The following TANC1 variants were observed in gnomAD, a reference collection of about 807,000 sequenced individuals.
TANC1 encodes the protein protein TANC1.
TANC1 carries 77 observed loss-of-function variants against 149.7 expected under a neutral mutation model. That is an observed-to-expected ratio of 0.51 (90% CI 0.43 to 0.62). TANC1 has a LOEUF of 0.62. Ranked by LOEUF, TANC1 falls within the 20% of genes least tolerant of loss-of-function variation. The pLI is 0.00. For synonymous variants in TANC1, 854 were observed against 925.0 expected (o/e 0.92, Z 1.39); for missense variants, 1,985 against 2,321.8 (o/e 0.85, Z 2.98).
At chr2:159,170,953 C>A in intron 10 of TANC1, 148 bp downstream of exon 10, 1 of 842,730 alleles carries the variant, frequency 1.2e-6, no homozygotes, top group Non-Finnish European at 1.8e-6. Context: ...TGAACTGTTT[C>A]AATATGTCCC....
rs200628030 is a variant in TANC1, at chr2:159,229,914, G to T, written c.4488G>T (p.Gln1496His). The change falls in exon 27 of 27, where the codon CAG becomes CAT. Residue 1496 changes from glutamine to histidine, a missense_variant. Physicochemically the swap from Gln to His is conservative, Grantham distance 24. This residue lies in a region of TANC1 where 920 missense variants were observed against 994.7 expected (regional missense o/e 0.92). Coordinates refer to ENST00000263635, the MANE Select transcript of TANC1 (RefSeq NM_033394.3). ...TCCGAAACCTTCAAGAAGGGTTACA[G>T]TCCAAAGGAAGGCCGGTATCGCCAC... ...SYIRNLQEGLQSKGRPVSPQS... is the reference protein window; with the variant it reads ...SYIRNLQEGLHSKGRPVSPQS... 40 of 1,614,094 alleles carry T rather than the reference G, an allele frequency of 2.5e-5. No homozygotes were observed. The East Asian group carries it at 8.9e-4, about 36-fold the overall frequency.
At chr2:159,146,954 C>T (rs2052190062) in intron 5 of TANC1, among the ~76,000 whole-genome samples, 1 of 151,970 alleles carries the variant, frequency 6.6e-6, no homozygotes, top group Admixed American at 6.5e-5. Flanking sequence ...AAATGAAACA[C>T]TTGAGATCCT....
chr2:159,218,863 GC>G (rs1260405681), intron 20 of TANC1, among the ~76,000 whole-genome samples: 1 of 152,168 alleles, frequency 6.6e-6, no homozygotes, highest in Non-Finnish European at 1.5e-5. Context: ...TAGTTTCAGT[GC>G]CCGTGGGGGA....
intron 4 of TANC1, among the ~76,000 whole-genome samples, chr2:159,111,887 G>A (rs1029245544): frequency 1.3e-5 from 2 of 152,194 alleles, no homozygotes; most frequent in African/African-American, 2.4e-5. Flanking sequence ...GATATTGAAG[G>A]TCTTTGGTAA....
At chr2:159,091,227 T>C (rs35952094) in intron 3 of TANC1, among the ~76,000 whole-genome samples, 36,885 of 152,100 alleles carry the variant, frequency 0.24, 5,890 homozygotes, top group Non-Finnish European at 0.37. Context: ...AGCTCTGATA[T>C]ATGCCAGAGT....
chr2:158,977,735 G>A (rs2033859999), intron 1 of TANC1, among the ~76,000 whole-genome samples: 1 of 151,952 alleles, frequency 6.6e-6, no homozygotes, highest in Non-Finnish European at 1.5e-5. Flanking sequence ...CCTGATATAA[G>A]GACAGATAAG....
intron 16 of TANC1, among the ~76,000 whole-genome samples, chr2:159,188,595 G>T (rs549703335): frequency 6.6e-6 from 1 of 152,384 alleles, no homozygotes; most frequent in East Asian, 1.9e-4. Context: ...ACAGGAGCTA[G>T]GTGTGGCCTT....
At chr2:159,021,509 A>T (rs1371266122) in intron 2 of TANC1, among the ~76,000 whole-genome samples, 1 of 152,148 alleles carries the variant, frequency 6.6e-6, no homozygotes, top group Non-Finnish European at 1.5e-5. Flanking sequence ...AGGCAGGAGT[A>T]GCAGTAGAGC....
intron 4 of TANC1, among the ~76,000 whole-genome samples, chr2:159,120,495 G>T (rs2048738218): frequency 6.6e-6 from 1 of 152,136 alleles, no homozygotes. Flanking sequence ...CAAATGATAT[G>T]AATTTTGCAT....
At chr2:159,214,500 C>T (rs962043301) in intron 19 of TANC1, among the ~76,000 whole-genome samples, 1 of 152,204 alleles carries the variant, frequency 6.6e-6, no homozygotes, top group African/African-American at 2.4e-5. Flanking sequence ...TAGGGTGACT[C>T]ACTGAACACA....
Position 158,992,963 on chromosome 2 carries a change from C to T in TANC1, c.-125-8117C>T, listed in dbSNP as rs183043346. Among the ~76,000 whole-genome samples, 423 of 148,170 alleles carry T rather than the reference C, an allele frequency of 2.9e-3. 1 individual carries two copies. The highest frequency in any genetic ancestry group is 5.4e-3 in the Non-Finnish European group (351 of 65,280). On this transcript the variant is annotated intron_variant, in intron 1 of 26. Transcript: ENST00000263635. Reference sequence around the variant, plus strand: ...ACTCGTGTGTTCTCCATCACAGCCGCGTTAGTTTACTGCCTTCATGCTCAT... The same window carrying T: ...ACTCGTGTGTTCTCCATCACAGCCGTGTTAGTTTACTGCCTTCATGCTCAT...
chr2:159,209,379 T>C (rs983947919), intron 19 of TANC1, among the ~76,000 whole-genome samples: 1 of 152,244 alleles, frequency 6.6e-6, no homozygotes. Flanking sequence ...TTCCCCTCGC[T>C]CAGAGACGGG....
intron 1 of TANC1, among the ~76,000 whole-genome samples, chr2:158,997,119 G>A (rs2036207561): frequency 1.3e-5 from 2 of 152,166 alleles, no homozygotes; most frequent in Non-Finnish European, 2.9e-5. Flanking sequence ...ATGGTGTTTT[G>A]ACTATAATCT....
At chr2:159,158,021 A>T (rs2053615350) in intron 7 of TANC1, among the ~76,000 whole-genome samples, 1 of 152,128 alleles carries the variant, frequency 6.6e-6, no homozygotes, top group Non-Finnish European at 1.5e-5. Flanking sequence ...TGTATTTGGG[A>T]TGTATGCCAA....
intron 13 of TANC1, among the ~76,000 whole-genome samples, chr2:159,177,267 G>A (rs577372295): frequency 6.6e-6 from 1 of 152,220 alleles, no homozygotes; most frequent in South Asian, 2.1e-4. Context: ...CAAAACTTAA[G>A]CATGAGGTAA....
At chr2:159,076,647 T>A (rs2043711718) in intron 3 of TANC1, among the ~76,000 whole-genome samples, 1 of 152,238 alleles carries the variant, frequency 6.6e-6, no homozygotes, top group Admixed American at 6.5e-5. Context: ...TGTGTAGAGA[T>A]TCTTTTTTAA....
At chr2:159,182,659 CT>C (rs372735939) in intron 14 of TANC1, among the ~76,000 whole-genome samples, 1 of 152,312 alleles carries the variant, frequency 6.6e-6, no homozygotes, top group African/African-American at 2.4e-5. Context: ...CCTCTCACCC[CT>C]ATTTCCTATA....
intron 1 of TANC1, among the ~76,000 whole-genome samples, chr2:158,997,746 T>C (rs1258417242): frequency 6.6e-6 from 1 of 152,200 alleles, no homozygotes; most frequent in Non-Finnish European, 1.5e-5. Flanking sequence ...AAAATAAATA[T>C]ACCTGCACAT....
chr2:158,972,198 A>G (rs974106147), intron 1 of TANC1, among the ~76,000 whole-genome samples: 1 of 152,198 alleles, frequency 6.6e-6, no homozygotes, highest in African/African-American at 2.4e-5. Context: ...TATAATCCGG[A>G]CTAGTAACCC....
Sources: allele counts gnomAD v4.1 joint callset (sites outside exome capture counted in the v4.1 genomes callset), GRCh38; gene constraint gnomAD v4.1.1; regional missense constraint gnomAD v4.1.1; transcripts MANE v1.5; gene names NCBI Gene and HGNC (gene_info 2026-07-23, HGNC 2026-07-21).